The following ATP2C1 variants were observed in gnomAD, a reference collection of about 807,000 sequenced individuals.
The protein encoded by ATP2C1 is ATPase secretory pathway Ca2+ transporting 1, also known as calcium-transporting ATPase type 2C member 1.
A neutral mutation model predicts 120.5 loss-of-function variants in ATP2C1; 31 were observed. The ratio of observed to expected loss-of-function variants is 0.26; its 90% CI spans 0.19 to 0.35. ATP2C1 has a LOEUF of 0.35. ATP2C1 is among the 10% of genes least tolerant of loss of function. The pLI is 1.00. For synonymous variants in ATP2C1, 351 were observed against 358.7 expected (o/e 0.98, Z 0.24); for missense variants, 731 against 1,107.5 (o/e 0.66, Z 4.83).
At chr3:130,943,576 T>C (rs2060013162) in intron 8 of ATP2C1, among the ~76,000 whole-genome samples, 1 of 152,204 alleles carries the variant, frequency 6.6e-6, no homozygotes, top group African/African-American at 2.4e-5. Flanking sequence ...TTATTAGTTA[T>C]TATTGTTTTC....
At position 130,923,332 on chromosome 3, in the gene ATP2C1, T is replaced by G. The variant is rs141792182; in HGVS notation, c.7-7084T>G. On this transcript the variant is annotated intron_variant, in intron 2 of 27. Coordinates refer to ENST00000510168, the MANE Select transcript of ATP2C1 (RefSeq NM_001378687.1). ...ACCTCTGCCTCCCAGGTTCAAGCAA[T>G]TCTCCTGCCTCAGCCTCCCGAGTAG... Among the ~76,000 whole-genome samples the G allele has an allele frequency of 9.2e-3, 1,405 of 152,088 alleles. 16 individuals are homozygous for G. The highest frequency in any genetic ancestry group is 0.027 in the African/African-American group (1,114 of 41,494).
intron 2 of ATP2C1, among the ~76,000 whole-genome samples, chr3:130,907,489 A>C (rs944912714): frequency 7.9e-5 from 12 of 152,080 alleles, no homozygotes; most frequent in Admixed American, 7.2e-4. Flanking sequence ...TTTGCATAGA[A>C]TATCCAGTTA....
chr3:130,968,505 TA>T (rs981506137), intron 16 of ATP2C1, among the ~76,000 whole-genome samples: 4 of 152,072 alleles, frequency 2.6e-5, no homozygotes, highest in African/African-American at 9.7e-5. Context: ...TTAGATGAGA[TA>T]AGCTAGGGAA....
intron 4 of ATP2C1, among the ~76,000 whole-genome samples, chr3:130,933,613 GTTATT>G (rs1306510578): frequency 6.6e-6 from 1 of 152,168 alleles, no homozygotes; most frequent in Non-Finnish European, 1.5e-5. Flanking sequence ...CAGTTGCAGT[GTTATT>G]TTATTAGGGC....
At chr3:130,955,989 G>T in intron 10 of ATP2C1, 115 bp from the exon 11 acceptor site, 1 of 738,844 alleles carries the variant, frequency 1.4e-6, no homozygotes. Flanking sequence ...CCTTATGGGA[G>T]AGTTGTATGG....
intron 2 of ATP2C1, among the ~76,000 whole-genome samples, chr3:130,906,536 A>G (rs2058128494): frequency 6.6e-6 from 1 of 152,060 alleles, no homozygotes; most frequent in Admixed American, 6.6e-5. Flanking sequence ...ACTTAGGAGT[A>G]GAAGTGCTGG....
chr3:130,894,632 G>T lies in ATP2C1; in HGVS notation c.-138G>T. The T allele has an allele frequency of 1.9e-6, 3 of 1,598,080 alleles. No homozygotes were observed. The highest frequency in any genetic ancestry group is 2.6e-6 in the Non-Finnish European group (3 of 1,170,998). On this transcript the variant is annotated 5_prime_UTR_variant, in exon 2 of 28. Transcript: ENST00000510168. This position sits in a 1 kb window ranked among gnomAD's most constrained non-coding sequence, Gnocchi z 4.5. The stretch of plus-strand genomic sequence containing the variant: ...GGTGGGAGCAGCCGTGGGACGCGTG[G>T]CCGGGAGCGGGGGTGACAGCCTGGG...
intron 8 of ATP2C1, among the ~76,000 whole-genome samples, chr3:130,945,798 G>A (rs937941736): frequency 6.6e-6 from 1 of 151,818 alleles, no homozygotes; most frequent in African/African-American, 2.4e-5. Context: ...TGAAAACACA[G>A]CATATTTTTG....
Position 130,894,302 on chromosome 3 carries a change from C to G in ATP2C1, c.-216C>G, listed in dbSNP as rs2069377155. ...GCCCCCGCGAGCCCCGCGGCTGAGA[C>G]CCCGCAGCCTGGAGGAGGGCTGTCC... On this transcript the variant is annotated 5_prime_UTR_variant, in exon 1 of 28. Coordinates refer to ENST00000510168, the MANE Select transcript of ATP2C1 (RefSeq NM_001378687.1). The surrounding 1 kb of genome is among the most constrained non-coding windows in gnomAD (Gnocchi z 4.5). 5.1e-6 allele frequency: 5 copies of G among 987,156 alleles called. No homozygotes were observed. The highest frequency in any genetic ancestry group is 2.3e-4 in the East Asian group (2 of 8,842). The allele number at this position is 987,156 out of a possible 1,614,324, so 61.1% of individuals were successfully genotyped here.
chr3:130,923,158 A>G (rs1475472495), intron 2 of ATP2C1, among the ~76,000 whole-genome samples: 1 of 151,714 alleles, frequency 6.6e-6, no homozygotes, highest in Non-Finnish European at 1.5e-5. Flanking sequence ...AGGTGCATAT[A>G]TATTTAGGAT....
At chr3:130,895,735 T>C (rs2069567245) in intron 2 of ATP2C1, among the ~76,000 whole-genome samples, 1 of 152,234 alleles carries the variant, frequency 6.6e-6, no homozygotes, top group African/African-American at 2.4e-5. Flanking sequence ...GTTGAGAATG[T>C]AAGCTTGATT....
At chr3:130,954,608 C>T (rs887808229) in intron 9 of ATP2C1, among the ~76,000 whole-genome samples, 53 of 152,108 alleles carry the variant, frequency 3.5e-4, no homozygotes, top group African/African-American at 1.2e-3. Context: ...GCCTCAGCCT[C>T]CTGTGTAGTA....
chr3:130,863,132 G>C (rs567721121), intron 1 of ATP2C1, among the ~76,000 whole-genome samples: 3 of 152,124 alleles, frequency 2.0e-5, no homozygotes, highest in African/African-American at 7.2e-5. Context: ...AAGAGTCCAT[G>C]CCATATAGCG....
chr3:130,871,252 A>G (rs1355377885), intron 1 of ATP2C1, among the ~76,000 whole-genome samples: 3 of 152,236 alleles, frequency 2.0e-5, no homozygotes, highest in South Asian at 2.1e-4. Context: ...CAAGCTCACA[A>G]TATCTCTGAG....
intron 18 of ATP2C1, among the ~76,000 whole-genome samples, chr3:130,975,801 T>C (rs1287585187): frequency 1.3e-5 from 2 of 152,240 alleles, no homozygotes; most frequent in Non-Finnish European, 2.9e-5. Context: ...GTTACTCTCT[T>C]TTTATCACTT....
At chr3:130,933,983 C>T (rs1273345334) in intron 4 of ATP2C1, among the ~76,000 whole-genome samples, 2 of 152,118 alleles carry the variant, frequency 1.3e-5, no homozygotes, top group Non-Finnish European at 2.9e-5. Context: ...ATCAGAGTTT[C>T]AAGGAATAGA....
chr3:130,998,521 A>G (rs1344045472), intron 26 of ATP2C1, 132 bp downstream of exon 26: 2 of 717,014 alleles, frequency 2.8e-6, no homozygotes, highest in African/African-American at 3.5e-5. Flanking sequence ...CCCCAGACAC[A>G]GCCTTCTTAT....
chr3:130,996,008 A>G (rs1560029439), intron 22 of ATP2C1, 35 bp from the exon 23 acceptor site: 1 of 1,297,820 alleles, frequency 7.7e-7, no homozygotes, highest in Admixed American at 1.7e-5. Flanking sequence ...GTATGATAAT[A>G]TTTTCTCACT....
chr3:130,850,940 T>C (rs777231664), intron 1 of ATP2C1: 1 of 1,312,782 alleles, frequency 7.6e-7, no homozygotes, highest in South Asian at 2.0e-5. Flanking sequence ...TATCATTTTG[T>C]TTATATTATC....
Sources: gnomAD v4.1 joint callset for allele counts (sites outside exome capture counted in the v4.1 genomes callset) on GRCh38, gnomAD v4.1.1 for gene constraint, Gnocchi (gnomAD v3.1) non-coding constraint, MANE v1.5 for transcripts, NCBI Gene and HGNC (gene_info 2026-07-23, HGNC 2026-07-21) for gene names.